Variants in ZBTB40 observed in about 807,000 individuals in gnomAD.
The protein encoded by ZBTB40 is zinc finger and BTB domain-containing protein 40.
Under a neutral mutation model 117.5 loss-of-function variants are expected in ZBTB40, and 60 were observed. That is an observed-to-expected ratio of 0.51 (90% confidence interval 0.41 to 0.63). ZBTB40 has a LOEUF of 0.63. ZBTB40 is among the 30% of genes least tolerant of loss of function. The pLI is 0.00. For synonymous variants in ZBTB40, 525 were observed against 577.1 expected, an observed-to-expected ratio of 0.91 and a Z score of 1.29; for missense variants, 1,287 against 1,498.5, an observed-to-expected ratio of 0.86 and a Z score of 2.33.
rs757531537 is a variant in ZBTB40 at position 22,511,224 on chromosome 1, A to G, written c.1879A>G (p.Arg627Gly). The change falls in exon 10 of 18, where the codon AGA becomes GGA. Residue 627 changes from arginine (R) to glycine (G), a missense_variant. This residue lies in a region of ZBTB40 where 870 missense variants were observed against 934.4 expected (regional missense o/e 0.93). Coordinates refer to ENST00000375647, the MANE Select transcript of ZBTB40 (RefSeq NM_014870.4). Reference protein sequence around the residue: ...SETASPEASLRAVLSRAMEKS... With the variant: ...SETASPEASLGAVLSRAMEKS... ...GACAGCCAGCCCTGAAGCTTCCCTG[A>G]GAGCAGTGCTGAGCAGAGCCATGGA... 6.2e-7 allele frequency: 1 copy of G among 1,614,008 alleles called. No homozygotes were observed. The highest frequency in any genetic ancestry group is 8.5e-7 in the Non-Finnish European group (1 of 1,180,020).
intron 14 of ZBTB40, among the ~76,000 whole-genome samples, chr1:22,521,122 T>C (rs1438772075): frequency 6.6e-6 from 1 of 152,248 alleles, no homozygotes; most frequent in East Asian, 1.9e-4. Flanking sequence ...GTGTTACAGT[T>C]GGAAGGCCTG....
intron 6 of ZBTB40, 31 bp from the exon 7 acceptor site, chr1:22,507,970 A>G: frequency 6.2e-7 from 1 of 1,614,058 alleles, no homozygotes; most frequent in South Asian, 1.1e-5. Context: ...TTGTTGCATC[A>G]AACATTATTG....
At chr1:22,503,129 T>C (rs2124446338) in intron 5 of ZBTB40, among the ~76,000 whole-genome samples, 1 of 151,560 alleles carries the variant, frequency 6.6e-6, no homozygotes, top group South Asian at 2.1e-4. Context: ...TTTTTTGCTA[T>C]TAAAAGTGAT....
intron 1 of ZBTB40, among the ~76,000 whole-genome samples, chr1:22,436,576 C>A (rs1388924745): frequency 1.3e-5 from 2 of 151,992 alleles, no homozygotes; most frequent in Non-Finnish European, 2.9e-5. Context: ...ATACCTGAAG[C>A]TGGAAACACA....
intron 1 of ZBTB40, among the ~76,000 whole-genome samples, chr1:22,468,926 A>G (rs914072788): frequency 6.6e-6 from 1 of 152,150 alleles, no homozygotes; most frequent in Non-Finnish European, 1.5e-5. Context: ...GCCTAGGCTC[A>G]AGTAATGTCC....
chr1:22,437,001 AAAGAGT>A, intron 1 of ZBTB40, among the ~76,000 whole-genome samples: 1 of 152,190 alleles, frequency 6.6e-6, no homozygotes, highest in East Asian at 1.9e-4. Flanking sequence ...TTGAACTGGG[AAAGAGT>A]ACAAGGGAAC....
intron 2 of ZBTB40, among the ~76,000 whole-genome samples, chr1:22,491,087 G>A (rs931534124): frequency 1.3e-5 from 2 of 152,126 alleles, no homozygotes; most frequent in Non-Finnish European, 2.9e-5. Flanking sequence ...AGTGGAGATG[G>A]GATTTCACCA....
intron 1 of ZBTB40, among the ~76,000 whole-genome samples, chr1:22,476,949 T>C (rs1641562343): frequency 6.6e-6 from 1 of 152,216 alleles, no homozygotes; most frequent in South Asian, 2.1e-4. Flanking sequence ...AAGTGCCCTT[T>C]CACCACATGA....
rs1308135309 is a variant in ZBTB40, at chr1:22,431,382, G to GTA, written c.-70+2369_-70+2370insAT. Among the ~76,000 whole-genome samples the GTA allele has an allele frequency of 6.8e-3, 106 of 15,492 alleles. 1 individual carries two copies. Among genetic ancestry groups the GTA allele is most frequent in the Admixed American group, 0.032 (30 of 944 alleles). The allele number at this position is 15,492 out of a possible 152,430, so 10.2% of individuals were successfully genotyped here. ...ATATTTTGTGTGTGTGTGTGTGTGT[G>GTA]TGTATATATATATATATATATATAT... is the stretch of plus-strand genomic sequence containing the variant. On this transcript the variant is annotated intron_variant, in intron 1 of 8. Transcript: ENST00000650433.
chr1:22,490,508 G>C lies in ZBTB40; in HGVS notation c.560G>C (p.Ser187Thr), dbSNP rs1459200727. The C allele has an allele frequency of 1.9e-6, 3 of 1,605,470 alleles. No homozygotes were observed. In the East Asian group the frequency reaches 6.7e-5, roughly 36 times the overall value. The change falls in exon 2 of 18, where the codon AGT (serine) becomes ACT (threonine). Residue 187 changes from serine to threonine, a missense_variant. Physicochemically the swap from Ser to Thr is moderately conservative, Grantham distance 58 (BLOSUM62 1). This residue lies in a region of ZBTB40 where 870 missense variants were observed against 934.4 expected (regional missense o/e 0.93). Transcript: ENST00000375647. ...EAAHSVSQEM[S>T]VNSPTAQESQ... The stretch of plus-strand genomic sequence containing the variant: ...GCCCATTCAGTTTCACAAGAGATGA[G>C]TGTGAATTCTCCCACAGCCCAGGAG...
chr1:22,518,636 T>TCAGC (rs1639438669), intron 13 of ZBTB40, among the ~76,000 whole-genome samples: 1 of 152,188 alleles, frequency 6.6e-6, no homozygotes, highest in Non-Finnish European at 1.5e-5. Context: ...AAGTCTGTCG[T>TCAGC]CAGCCAGCCA....
chr1:22,509,243 G>T lies in ZBTB40; in HGVS notation c.1833+10G>T, dbSNP rs1418310280. ...AGAGACTGTGAAAGAGGTGTGGTGG[G>T]AATAAAAAGCGAAATGCCAGAGAGT... On this transcript the variant is annotated intron_variant, in intron 9 of 17. Coordinates refer to ENST00000375647, the MANE Select transcript of ZBTB40 (RefSeq NM_014870.4). The T allele has an allele frequency of 1.9e-6, 3 of 1,614,136 alleles. No individual in the cohort carries two copies. In the Admixed American group the frequency reaches 5.0e-5, roughly 27 times the overall value.
rs759262294 is a variant in ZBTB40 at position 22,512,130 on chromosome 1, C to T, written c.2457C>T (p.Ala819=). The part of the protein sequence containing the change: ...CDLCGREFAH[A]SGMQYHKLTE... ...TCTGTGGCAGAGAATTTGCCCATGC[C>T]TCAGGTACGTTCAAGAAGGCAAAGG... The change falls in exon 11 of 18, where the codon GCC becomes GCT. Residue 819 remains alanine (A), a synonymous_variant. Transcript: ENST00000375647. 15 of 1,612,718 alleles carry T rather than the reference C, an allele frequency of 9.3e-6. No homozygotes were observed. The highest frequency in any genetic ancestry group is 1.3e-5 in the African/African-American group (1 of 74,858).
rs1410458740 is a variant in ZBTB40, at chr1:22,490,282, C to A, written c.334C>A (p.Leu112Ile). 1.2e-6 allele frequency: 2 copies of A among 1,614,096 alleles called. No homozygotes were observed. The highest frequency in any genetic ancestry group is 1.7e-6 in the Non-Finnish European group (2 of 1,180,052). ...TGATGTAGCTGTTAGCTGCAAAAAT[C>A]TTCTGACCAGCCTTGTAAACTGCTC... ...MFDVAVSCKNLLTSLVNCSVQ... is the reference protein window; with the variant it reads ...MFDVAVSCKNILTSLVNCSVQ... Residue 112 changes from leucine to isoleucine, a missense_variant, in exon 2 of 18, where the codon CTT becomes ATT. Leu to Ile is a conservative substitution (Grantham distance 5). Transcript: ENST00000375647.
chr1:22,452,401 C>G (rs769614710), intron 1 of ZBTB40, among the ~76,000 whole-genome samples: 3 of 152,252 alleles, frequency 2.0e-5, no homozygotes, highest in Non-Finnish European at 2.9e-5. Context: ...TCCATGCCCC[C>G]CTTCTCTCTT....
chr1:22,514,727 A>G (rs1271518468), intron 12 of ZBTB40, among the ~76,000 whole-genome samples: 2 of 152,116 alleles, frequency 1.3e-5, no homozygotes, highest in Non-Finnish European at 2.9e-5. Context: ...TGTAGTATCT[A>G]CTTTAGTAAT....
intron 9 of ZBTB40, among the ~76,000 whole-genome samples, chr1:22,510,093 C>G (rs1639190122): frequency 6.6e-6 from 1 of 152,168 alleles, no homozygotes; most frequent in East Asian, 1.9e-4. Flanking sequence ...GGCCAGCATC[C>G]CAGGAATACC....
intron 1 of ZBTB40, among the ~76,000 whole-genome samples, chr1:22,454,706 A>G (rs998145145): frequency 2.6e-5 from 4 of 152,244 alleles, no homozygotes; most frequent in African/African-American, 7.2e-5. Context: ...CCCAGCTACT[A>G]CTGAGAGAAC....
chr1:22,474,392 A>C (rs1557492106), intron 1 of ZBTB40, among the ~76,000 whole-genome samples: 1 of 152,204 alleles, frequency 6.6e-6, no homozygotes, highest in Admixed American at 6.5e-5. Context: ...GGTACAAGAG[A>C]ACAGACCAAA....
Sources: allele counts gnomAD v4.1 joint callset (sites outside exome capture counted in the v4.1 genomes callset), GRCh38; gene constraint gnomAD v4.1.1; regional missense constraint gnomAD v4.1.1; transcripts MANE v1.5; gene names NCBI Gene and HGNC (gene_info 2026-07-23, HGNC 2026-07-21).